The following SETD2 variants were observed in gnomAD, a reference collection of about 807,000 sequenced individuals.
SETD2 encodes SET domain containing 2, histone lysine methyltransferase.
Under a neutral mutation model 242.1 loss-of-function variants are expected in SETD2, and 31 were observed. The observed-to-expected ratio is 0.13, with a 90% CI of 0.10 to 0.17. SETD2 has a LOEUF of 0.17. Among genes scored for constraint, SETD2 ranks in the 10% least tolerant of loss-of-function variants. The pLI is 1.00. For missense variants in SETD2, 2,481 were observed against 3,046.3 expected (o/e 0.81, Z 4.37); for synonymous variants, 1,006 against 1,066.5 (o/e 0.94, Z 1.11).
Position 47,083,846 on chromosome 3 carries a change from T to C in SETD2, c.5934A>G (p.Thr1978=), listed in dbSNP as rs1034841407. The C allele has an allele frequency of 1.9e-6, 3 of 1,614,136 alleles. No individual in the cohort carries two copies. In the Admixed American group the frequency reaches 5.0e-5, roughly 27 times the overall value. ...CACCCTCCTCTTCATCTTGGGATGGTGTTTCTTCATTAATAGGTTCTTCTA... is the reference window on the plus strand; with the variant it reads ...CACCCTCCTCTTCATCTTGGGATGGCGTTTCTTCATTAATAGGTTCTTCTA... ...TKLEEPINEE[T]PSQDEEEGVS... is the part of the protein sequence containing the mutation. The change falls in exon 12 of 21, where the codon ACA becomes ACG. Residue 1978 remains threonine (T), a synonymous_variant. Coordinates refer to ENST00000409792, the MANE Select transcript of SETD2 (RefSeq NM_014159.7).
Position 47,097,975 on chromosome 3 carries a change from G to A in SETD2, c.5122C>T (p.Arg1708Ter), listed in dbSNP as rs774671060. ...CTTACTGAATCCTTCTTACGAGATC[G>A]TTCCTTCTTCATTTTCCCTCCTGCT... Reference protein sequence around the residue: ...RAAGGKMKKERSRKKDSVDGE... With the variant: ...RAAGGKMKKE Residue 1708 changes from arginine to a stop codon, truncating the protein, a stop_gained, in exon 9 of 21, where the codon CGA becomes TGA. Transcript: ENST00000409792. LOFTEE classifies it high-confidence loss of function. The A allele has an allele frequency of 6.2e-7, 1 of 1,613,592 alleles. No individual in the cohort carries two copies. The highest frequency in any genetic ancestry group is 8.5e-7 in the Non-Finnish European group (1 of 1,179,738).
At chr3:47,041,062 A>C (rs1434444586) in intron 17 of SETD2, among the ~76,000 whole-genome samples, 1 of 152,212 alleles carries the variant, frequency 6.6e-6, no homozygotes, top group Non-Finnish European at 1.5e-5. Context: ...ATAGTTAGAT[A>C]TAAAATAGTG....
intron 1 of SETD2, among the ~76,000 whole-genome samples, chr3:47,139,149 C>A (rs1380798526): frequency 6.6e-6 from 1 of 152,038 alleles, no homozygotes; most frequent in Non-Finnish European, 1.5e-5. Flanking sequence ...CTTGCCCAAG[C>A]TCTCAAATTA....
intron 1 of SETD2, among the ~76,000 whole-genome samples, chr3:47,149,928 A>G (rs1481573870): frequency 7.2e-5 from 11 of 152,096 alleles, no homozygotes; most frequent in Non-Finnish European, 1.2e-4. Context: ...TATGCTAGGT[A>G]TAAAAAGTAT....
intron 17 of SETD2, among the ~76,000 whole-genome samples, chr3:47,041,768 T>C (rs1028615093): frequency 2.0e-5 from 3 of 152,176 alleles, no homozygotes; most frequent in African/African-American, 7.2e-5. Context: ...GAATTATACT[T>C]CCTTTTTTAG....
At chr3:47,090,467 C>CGTTG (rs2041754131) in intron 9 of SETD2, among the ~76,000 whole-genome samples, 1 of 151,852 alleles carries the variant, frequency 6.6e-6, no homozygotes, top group Non-Finnish European at 1.5e-5. Context: ...CTCAGCTCAC[C>CGTTG]GCAACCTCCA....
At chr3:47,074,082 C>T (rs1300489583) in intron 12 of SETD2, among the ~76,000 whole-genome samples, 1 of 152,052 alleles carries the variant, frequency 6.6e-6, no homozygotes, top group African/African-American at 2.4e-5. Flanking sequence ...ACCTAAATGG[C>T]TATGAGAATG....
intron 1 of SETD2, among the ~76,000 whole-genome samples, chr3:47,142,492 G>A: frequency 6.6e-6 from 1 of 151,956 alleles, no homozygotes; most frequent in African/African-American, 2.4e-5. Context: ...CTGGGTGACA[G>A]AGCAAGAATC....
At chr3:47,119,606 T>A (rs1057297627) in intron 3 of SETD2, 3 of 271,614 alleles carry the variant, frequency 1.1e-5, no homozygotes, top group African/African-American at 2.3e-5. Flanking sequence ...TTCTTCCTCT[T>A]TTTCTCTTGC....
At chr3:47,067,195 A>G (rs1013533318) in intron 12 of SETD2, 77 bp from the exon 13 acceptor site, 23 of 1,069,204 alleles carry the variant, frequency 2.2e-5, no homozygotes, top group Non-Finnish European at 3.1e-5. Flanking sequence ...CTGTTTTCAC[A>G]TGACAATAAA....
At chr3:47,038,507 C>T (rs1439645342) in intron 17 of SETD2, among the ~76,000 whole-genome samples, 1 of 151,998 alleles carries the variant, frequency 6.6e-6, no homozygotes, top group Non-Finnish European at 1.5e-5. Flanking sequence ...CCCAGCTACT[C>T]AGGAGGCTGA....
chr3:47,138,929 G>C (rs2043658125), intron 1 of SETD2, among the ~76,000 whole-genome samples: 1 of 152,114 alleles, frequency 6.6e-6, no homozygotes, highest in Non-Finnish European at 1.5e-5. Flanking sequence ...TTCAAATCTA[G>C]ATCAGTCTTG....
chr3:47,020,549 C>T (rs1303794284), intron 18 of SETD2, among the ~76,000 whole-genome samples: 1 of 152,192 alleles, frequency 6.6e-6, no homozygotes, highest in Non-Finnish European at 1.5e-5. Context: ...TAACTAGGTA[C>T]TGCACCAGGA....
At chr3:47,063,560 G>C (rs1395537516) in intron 13 of SETD2, among the ~76,000 whole-genome samples, 2 of 152,118 alleles carry the variant, frequency 1.3e-5, no homozygotes, top group African/African-American at 4.8e-5. Context: ...TTAATTTACA[G>C]TGTCTCTCTT....
intron 5 of SETD2, among the ~76,000 whole-genome samples, chr3:47,110,439 A>G (rs907005347): frequency 9.2e-5 from 14 of 152,340 alleles, no homozygotes; most frequent in African/African-American, 2.6e-4. Context: ...TTTTACCTCA[A>G]TTAAAACCCT....
At chr3:47,051,665 G>A (rs1278554771) in intron 15 of SETD2, among the ~76,000 whole-genome samples, 2 of 151,450 alleles carry the variant, frequency 1.3e-5, no homozygotes, top group Non-Finnish European at 2.9e-5. Flanking sequence ...TTTTGAGTGT[G>A]AACATTTAAT....
rs2106668276 is a variant in SETD2, at chr3:47,122,072, C to T, written c.2564G>A (p.Ser855Asn). The T allele has an allele frequency of 6.2e-7, 1 of 1,613,892 alleles. No individual in the cohort carries two copies. Among genetic ancestry groups the T allele is most frequent in the East Asian group, 2.2e-5 (1 of 44,870 alleles). The change falls in exon 3 of 21, where the codon AGC (serine) becomes AAC (asparagine). Residue 855 changes from serine (S) to asparagine (N), a missense_variant. Coordinates refer to ENST00000409792, the MANE Select transcript of SETD2 (RefSeq NM_014159.7). ...AGAAGCTGAACTAGTGCTACCGATG[C>T]TCTGCTTATATTCTTCACATGCAAA... is the stretch of plus-strand genomic sequence containing the variant. Reference protein sequence around the residue: ...SKFACEEYKQSIGSTSSASVN... With the variant: ...SKFACEEYKQNIGSTSSASVN...
At chr3:47,042,446 A>T in intron 17 of SETD2, 115 bp downstream of exon 17, 1 of 973,050 alleles carries the variant, frequency 1.0e-6, no homozygotes, top group African/African-American at 1.6e-5. Context: ...AGCAGCCTTC[A>T]AGCACAGTGA....
chr3:47,131,450 TCTC>T (rs773160749), intron 1 of SETD2, among the ~76,000 whole-genome samples: 11 of 151,970 alleles, frequency 7.2e-5, no homozygotes, highest in Non-Finnish European at 1.5e-5. Flanking sequence ...TTCACGCCAT[TCTC>T]CTGCCTCAGC....
Sources: gnomAD v4.1 joint callset for allele counts (sites outside exome capture counted in the v4.1 genomes callset) on GRCh38, gnomAD v4.1.1 for gene constraint, MANE v1.5 for transcripts, NCBI Gene and HGNC (gene_info 2026-07-23, HGNC 2026-07-21) for gene names.